Variants in SLC3A1 observed in about 807,000 individuals in gnomAD.
The protein encoded by SLC3A1 is amino acid transporter heavy chain SLC3A1.
SLC3A1 carries 78 observed loss-of-function variants against 60.3 expected under a neutral mutation model. The ratio of observed to expected loss-of-function variants is 1.29; its 90% CI spans 1.08 to 1.56. SLC3A1 has a LOEUF of 1.56. Ranked by LOEUF, SLC3A1 falls within the 40% of genes most tolerant of loss-of-function variation. The pLI, the probability that SLC3A1 is intolerant of heterozygous loss-of-function variation, is 0.00. For synonymous variants in SLC3A1, 392 were observed against 307.9 expected (o/e 1.27, Z -2.86); for missense variants, 1,172 against 858.9 (o/e 1.36, Z -4.56).
At chr2:44,291,986 CA>C (rs1451099615) in intron 4 of SLC3A1, among the ~76,000 whole-genome samples, 1 of 152,150 alleles carries the variant, frequency 6.6e-6, no homozygotes, top group Non-Finnish European at 1.5e-5. Flanking sequence ...TCTGAGGTAT[CA>C]GGGGTATATA....
At chr2:44,317,738 T>C (rs1672545814) in intron 9 of SLC3A1, 1 of 152,148 alleles carries the variant, frequency 6.6e-6, no homozygotes, top group Admixed American at 6.6e-5. Context: ...AGAAAAAAAT[T>C]ATACAGTCAA....
intron 7 of SLC3A1, among the ~76,000 whole-genome samples, chr2:44,304,813 ATT>A (rs70965349): frequency 0.06 from 5,109 of 85,470 alleles, 59 homozygotes; most frequent in Non-Finnish European, 0.068. Flanking sequence ...CTTGAAAACA[ATT>A]TTTTTTTTTT....
At chr2:44,313,775 C>T in intron 8 of SLC3A1, 60 bp from the exon 9 acceptor site, 1 of 1,254,724 alleles carries the variant, frequency 8.0e-7, no homozygotes, top group South Asian at 1.2e-5. Context: ...AAATCAGGAC[C>T]AAAGCACATT....
chr2:44,275,999 A>C, intron 1 of SLC3A1, 34 bp downstream of exon 1: 1 of 1,593,820 alleles, frequency 6.3e-7, no homozygotes. Flanking sequence ...GGTGGGTGCC[A>C]GGATGAGATT....
chr2:44,281,009 C>A, intron 2 of SLC3A1, 114 bp downstream of exon 2: 1 of 817,460 alleles, frequency 1.2e-6, no homozygotes. Flanking sequence ...TTCTTTCCCT[C>A]CCTCCCTCCC....
At chr2:44,286,754 C>T (rs1012188513) in intron 4 of SLC3A1, among the ~76,000 whole-genome samples, 25 of 135,938 alleles carry the variant, frequency 1.8e-4, no homozygotes, top group Non-Finnish European at 9.2e-5. Context: ...CTGAGCTGTG[C>T]GGTGTCTGTG....
At chr2:44,292,921 G>C (rs931237464) in intron 4 of SLC3A1, among the ~76,000 whole-genome samples, 1 of 152,012 alleles carries the variant, frequency 6.6e-6, no homozygotes, top group African/African-American at 2.4e-5. Context: ...AATCAGTCTG[G>C]TTTTGGAGAA....
At chr2:44,289,176 T>C (rs1671682426) in intron 4 of SLC3A1, among the ~76,000 whole-genome samples, 1 of 151,396 alleles carries the variant, frequency 6.6e-6, no homozygotes, top group African/African-American at 2.4e-5. Flanking sequence ...TATTATTGGG[T>C]TGTAAAAGTT....
chr2:44,298,210 A>G (rs994256504), intron 4 of SLC3A1, among the ~76,000 whole-genome samples: 5 of 152,132 alleles, frequency 3.3e-5, no homozygotes, highest in African/African-American at 1.2e-4. Flanking sequence ...AAGTCAGCCC[A>G]CAGCCTTTTC....
chr2:44,308,312 G>C (rs578038499), intron 7 of SLC3A1, among the ~76,000 whole-genome samples: 3 of 152,132 alleles, frequency 2.0e-5, no homozygotes, highest in Non-Finnish European at 1.5e-5. Flanking sequence ...TTTCAAGATT[G>C]TTTTAGCTGT....
intron 9 of SLC3A1, chr2:44,315,094 C>T (rs1672396318): frequency 6.6e-6 from 1 of 151,906 alleles, no homozygotes; most frequent in African/African-American, 2.4e-5. Context: ...AGGCGCCTGC[C>T]ACCATGTATG....
intron 1 of SLC3A1, among the ~76,000 whole-genome samples, chr2:44,280,049 C>A (rs552439427): frequency 1.3e-5 from 2 of 152,168 alleles, no homozygotes; most frequent in South Asian, 2.1e-4. Context: ...AGGGGCCATG[C>A]GTTACTCTGC....
rs758837898 is a variant in SLC3A1 at position 44,320,263 on chromosome 2, A to G, written c.1682A>G (p.Asn561Ser). The G allele has an allele frequency of 1.9e-6, 3 of 1,614,022 alleles. No individual in the cohort carries two copies. Among genetic ancestry groups the G allele is most frequent in the East Asian group, 4.5e-5 (2 of 44,898 alleles). The stretch of plus-strand genomic sequence containing the variant: ...CAAGATTTAAGTCTACTTCATGCCA[A>G]TGAGCTACTCCTCAACAGGGGCTGG... ...LYQDLSLLHA[N>S]ELLLNRGWFC... The change falls in exon 10 of 10, where the codon AAT becomes AGT. Residue 561 changes from asparagine (N) to serine (S), a missense_variant. Asn to Ser is a conservative substitution (Grantham distance 46). Transcript: ENST00000260649.
At chr2:44,307,070 C>G (rs976669244) in intron 7 of SLC3A1, among the ~76,000 whole-genome samples, 2 of 152,166 alleles carry the variant, frequency 1.3e-5, no homozygotes, top group African/African-American at 2.4e-5. Context: ...TTTGCCTATT[C>G]AGGGCATTTC....
intron 7 of SLC3A1, among the ~76,000 whole-genome samples, chr2:44,305,510 C>G (rs1357692009): frequency 2.0e-5 from 3 of 151,194 alleles, no homozygotes; most frequent in African/African-American, 7.3e-5. Context: ...TTACTGCAAC[C>G]TCCACCTCCT....
chr2:44,305,800 C>G (rs1364889820), intron 7 of SLC3A1, among the ~76,000 whole-genome samples: 1 of 152,110 alleles, frequency 6.6e-6, no homozygotes, highest in East Asian at 1.9e-4. Context: ...CTCCATCTCT[C>G]TGTATCTCTA....
chr2:44,285,851 G>A, intron 3 of SLC3A1, 181 bp from the exon 4 acceptor site: 1 of 757,030 alleles, frequency 1.3e-6, no homozygotes, highest in Non-Finnish European at 2.4e-6. Context: ...ATGTTTGTGA[G>A]GCATTAGGCC....
intron 3 of SLC3A1, among the ~76,000 whole-genome samples, chr2:44,282,214 C>T (rs1384592363): frequency 6.6e-6 from 1 of 152,062 alleles, no homozygotes; most frequent in Admixed American, 6.6e-5. Flanking sequence ...TCTGACAAAA[C>T]CCTAGCCATG....
chr2:44,296,848 C>G (rs1428672057), intron 4 of SLC3A1, among the ~76,000 whole-genome samples: 1 of 152,138 alleles, frequency 6.6e-6, no homozygotes, highest in Non-Finnish European at 1.5e-5. Context: ...TTTCCTCCAT[C>G]CTGTTCTCGT....
Sources: allele counts gnomAD v4.1 joint callset (sites outside exome capture counted in the v4.1 genomes callset), GRCh38; gene constraint gnomAD v4.1.1; transcripts MANE v1.5; gene names NCBI Gene and HGNC (gene_info 2026-07-23, HGNC 2026-07-21).